Variants in CCDC102B observed in about 807,000 individuals in gnomAD.
The protein encoded by CCDC102B is coiled-coil domain-containing protein 102B.
A neutral mutation model predicts 57.4 loss-of-function variants in CCDC102B; 75 were observed. That is an observed-to-expected ratio of 1.31 (90% CI 1.08 to 1.58). CCDC102B has a LOEUF of 1.58. CCDC102B is among the 40% of genes most tolerant of loss of function. The probability of loss-of-function intolerance (pLI) is 0.00; values close to 1 mark genes in which losing one functional copy is unlikely to be tolerated. For synonymous variants in CCDC102B, 206 were observed against 201.9 expected (o/e 1.02, Z -0.17); for missense variants, 636 against 582.6 (o/e 1.09, Z -0.94).
At chr18:69,045,881 G>C (rs949739468) in intron 7 of CCDC102B, among the ~76,000 whole-genome samples, 1 of 152,000 alleles carries the variant, frequency 6.6e-6, no homozygotes, top group Admixed American at 6.6e-5. Flanking sequence ...TTCTGTGTTC[G>C]TTTGCTTAGA....
chr18:68,741,676 C>T (rs2033389551), intron 2 of CCDC102B, among the ~76,000 whole-genome samples: 1 of 107,468 alleles, frequency 9.3e-6, no homozygotes, highest in East Asian at 2.3e-4. Flanking sequence ...GTCACACACA[C>T]ACACACACAC....
chr18:68,956,030 T>G (rs1329825909), intron 6 of CCDC102B, among the ~76,000 whole-genome samples: 3 of 151,902 alleles, frequency 2.0e-5, no homozygotes, highest in Non-Finnish European at 4.4e-5. Context: ...TTGTTTTAAT[T>G]TTATAGCTCC....
intron 6 of CCDC102B, among the ~76,000 whole-genome samples, chr18:68,922,188 C>T (rs527693930): frequency 2.0e-5 from 3 of 152,248 alleles, no homozygotes; most frequent in Admixed American, 2.0e-4. Flanking sequence ...GGCTCATATG[C>T]ACTGCTCCAC....
chr18:68,752,390 C>A (rs541866341), intron 2 of CCDC102B, among the ~76,000 whole-genome samples: 2 of 144,950 alleles, frequency 1.4e-5, no homozygotes, highest in South Asian at 2.2e-4. Context: ...CAAAAGTTTT[C>A]AAAACCCAGT....
chr18:69,054,083 G>T lies in CCDC102B; in HGVS notation c.1488G>T (p.Glu496Asp). The T allele has an allele frequency of 4.4e-6, 7 of 1,606,718 alleles. No individual in the cohort carries two copies. The highest frequency in any genetic ancestry group is 5.9e-6 in the Non-Finnish European group (7 of 1,177,986). Residue 496 changes from glutamate to aspartate, a missense_variant, in exon 8 of 8, where the codon GAG becomes GAT. Glu to Asp is a conservative substitution (Grantham distance 45). Coordinates refer to ENST00000360242, the MANE Select transcript of CCDC102B (RefSeq NM_024781.3). ...AGCTCCAGAGGTCTCTGGATGAAGAGAAAGAAAGAAATGAAAACTTAGAGA... is the reference window on the plus strand; with the variant it reads ...AGCTCCAGAGGTCTCTGGATGAAGATAAAGAAAGAAATGAAAACTTAGAGA... ...IRKLQRSLDEEKERNENLETE... is the reference protein window; with the variant it reads ...IRKLQRSLDEDKERNENLETE...
intron 3 of CCDC102B, among the ~76,000 whole-genome samples, chr18:68,845,538 G>T (rs1418349519): frequency 3.3e-5 from 5 of 151,770 alleles, no homozygotes; most frequent in Non-Finnish European, 5.9e-5. Flanking sequence ...GGAAATGGAG[G>T]AATATCAATG....
intron 7 of CCDC102B, among the ~76,000 whole-genome samples, chr18:69,042,024 T>A (rs931036474): frequency 6.6e-6 from 1 of 152,070 alleles, no homozygotes; most frequent in African/African-American, 2.4e-5. Flanking sequence ...AAGGGTGTCC[T>A]CTGACTTATT....
rs1385101720 is a variant in CCDC102B, at chr18:69,011,060, C to T, written c.1390C>T (p.Arg464Ter). The T allele has an allele frequency of 4.3e-6, 7 of 1,613,444 alleles. No individual in the cohort carries two copies. The highest frequency in any genetic ancestry group is 1.1e-5 in the South Asian group (1 of 90,998). ...NEAEVKKLRLRVEELKQGLNQ... is the reference protein window; with the variant it reads ...NEAEVKKLRL ...AGCAGAAGTAAAGAAACTAAGATTACGAGTGGAAGAACTAAAGCAGGGACT... is the reference window on the plus strand; with the variant it reads ...AGCAGAAGTAAAGAAACTAAGATTATGAGTGGAAGAACTAAAGCAGGGACT... The change falls in exon 7 of 8, where the codon CGA becomes TGA. Residue 464 changes from arginine (R) to a stop codon, truncating the protein, a stop_gained. Transcript: ENST00000360242. LOFTEE classifies it low-confidence loss of function (END_TRUNC).
intron 1 of CCDC102B, among the ~76,000 whole-genome samples, chr18:68,816,884 G>T (rs60126769): frequency 0.41 from 62,470 of 151,938 alleles, 14,174 homozygotes; most frequent in East Asian, 0.86. Context: ...ATGATCAGTT[G>T]GTCTGCCTTA....
chr18:68,797,965 A>G (rs953449545), upstream of CCDC102B: 4 of 152,114 alleles, frequency 2.6e-5, no homozygotes, highest in South Asian at 2.1e-4. Flanking sequence ...GGTTGGCTCA[A>G]TGGTGATCCA....
At chr18:69,052,649 T>G (rs1417713379) in intron 7 of CCDC102B, among the ~76,000 whole-genome samples, 1 of 151,920 alleles carries the variant, frequency 6.6e-6, no homozygotes, top group Non-Finnish European at 1.5e-5. Flanking sequence ...TCCATTATAA[T>G]CTTATGGGAC....
chr18:68,763,859 A>G (rs1407481243), intron 2 of CCDC102B, among the ~76,000 whole-genome samples: 3 of 152,078 alleles, frequency 2.0e-5, no homozygotes, highest in Non-Finnish European at 2.9e-5. Flanking sequence ...ATAATAGAGT[A>G]ACTGTGGCTT....
intron 6 of CCDC102B, among the ~76,000 whole-genome samples, chr18:68,965,953 C>G (rs1050935187): frequency 5.3e-5 from 8 of 152,112 alleles, no homozygotes; most frequent in African/African-American, 1.9e-4. Flanking sequence ...ACAGTTGAGA[C>G]ACTCCTGTTA....
chr18:68,874,255 T>C (rs2039355728), intron 4 of CCDC102B, among the ~76,000 whole-genome samples: 1 of 151,188 alleles, frequency 6.6e-6, no homozygotes, highest in Middle Eastern at 3.2e-3. Flanking sequence ...TTTGTCTCTG[T>C]TACAATTAAT....
chr18:68,891,964 G>A (rs2040094041), intron 5 of CCDC102B, among the ~76,000 whole-genome samples: 3 of 152,148 alleles, frequency 2.0e-5, no homozygotes, highest in Admixed American at 2.0e-4. Context: ...GAGGTAACAG[G>A]TGGGTTCTAT....
intron 7 of CCDC102B, among the ~76,000 whole-genome samples, chr18:69,045,633 T>G (rs1405149296): frequency 6.6e-6 from 1 of 152,156 alleles, no homozygotes; most frequent in East Asian, 1.9e-4. Context: ...ATGGTACATG[T>G]GCAGGTTTCT....
At chr18:68,849,817 G>A (rs1568286743) in intron 4 of CCDC102B, among the ~76,000 whole-genome samples, 1 of 152,036 alleles carries the variant, frequency 6.6e-6, no homozygotes, top group Non-Finnish European at 1.5e-5. Flanking sequence ...TACCCAATAG[G>A]TGATTACTGT....
Position 68,920,278 on chromosome 18 carries a change from G to C in CCDC102B, c.1263+22850G>C, listed in dbSNP as rs575738558. 2.0e-3 allele frequency among the ~76,000 whole-genome samples: 299 copies of C among 152,148 alleles called. 2 individuals are homozygous for C. The highest frequency in any genetic ancestry group is 6.9e-3 in the African/African-American group (286 of 41,518). On this transcript the variant is annotated intron_variant, in intron 6 of 7. Coordinates refer to ENST00000360242, the MANE Select transcript of CCDC102B (RefSeq NM_024781.3). ...CTACCCAACTTCAAACTGTATTACA[G>C]GGCTACAGTAACCAAAACAGCATAG...
In CCDC102B at chr18:69,043,290, C is replaced by G. The variant is rs144247857; in HGVS notation, c.1435-10740C>G. On this transcript the variant is annotated intron_variant, in intron 7 of 7. Transcript: ENST00000360242. ...ATGGAACGTACAATTGGGTTTTATA[C>G]GGAGACATTCCATTGCCCAGGGACG... Among the ~76,000 whole-genome samples the G allele has an allele frequency of 2.6e-3, 390 of 152,212 alleles. 2 individuals carry two copies. Among genetic ancestry groups the G allele is most frequent in the African/African-American group, 8.1e-3 (336 of 41,542 alleles).
Sources: allele counts gnomAD v4.1 joint callset (sites outside exome capture counted in the v4.1 genomes callset), GRCh38; gene constraint gnomAD v4.1.1; transcripts MANE v1.5; gene names NCBI Gene and HGNC (gene_info 2026-07-23, HGNC 2026-07-21).